Variants in SLC35F4 observed in about 807,000 individuals in gnomAD.
SLC35F4 encodes the protein chromosome 14 open reading frame 36.
SLC35F4 carries 24 observed loss-of-function variants against 44.2 expected under a neutral mutation model. The observed-to-expected ratio is 0.54, with a 90% CI of 0.39 to 0.76. The LOEUF (loss-of-function observed/expected upper bound fraction) is 0.76, where lower values mean the gene tolerates loss of function less well. Among genes scored for constraint, SLC35F4 ranks in the 30% least tolerant of loss-of-function variants. The probability of loss-of-function intolerance (pLI) is 0.00; values close to 1 mark genes in which losing one functional copy is unlikely to be tolerated. For missense variants in SLC35F4, 562 were observed against 586.1 expected (o/e 0.96, Z 0.42); for synonymous variants, 238 against 223.6 (o/e 1.06, Z -0.57).
At chr14:57,592,668 C>T (rs238375) in intron 2 of SLC35F4, among the ~76,000 whole-genome samples, 112,505 of 152,036 alleles carry the variant, frequency 0.74, 42,110 homozygotes, top group Middle Eastern at 0.81. Context: ...GGGGTTCACA[C>T]AGTGTCTAAG....
At chr14:57,954,859 C>A (rs528114063) in intron 1 of SLC35F4, among the ~76,000 whole-genome samples, 2 of 149,966 alleles carry the variant, frequency 1.3e-5, no homozygotes, top group African/African-American at 2.5e-5. Context: ...CAAAGAGGAA[C>A]TGGTACCATT....
chr14:57,618,143 G>A (rs1422883212), intron 1 of SLC35F4, among the ~76,000 whole-genome samples: 1 of 152,164 alleles, frequency 6.6e-6, no homozygotes, highest in Non-Finnish European at 1.5e-5. Flanking sequence ...TAGTATATGA[G>A]TAAAACCAAT....
intron 1 of SLC35F4, among the ~76,000 whole-genome samples, chr14:57,928,190 T>C (rs1462645745): frequency 6.6e-6 from 1 of 152,076 alleles, no homozygotes; most frequent in Non-Finnish European, 1.5e-5. Flanking sequence ...AGATGCCAAG[T>C]AGGGAGGTGG....
At position 57,865,868 on chromosome 14, in the gene SLC35F4, G is replaced by T. The variant is rs866729953; in HGVS notation, c.-43C>A. On this transcript the variant is annotated 5_prime_UTR_variant, in exon 1 of 8. Transcript: ENST00000556826. ...GGCCCCGAGTGCGGCGGGGCGGAGA[G>T]CGCAGCGCGGGGCCCGGGAGCTGGT... The T allele has an allele frequency of 1.6e-5, 23 of 1,405,128 alleles. 1 individual carries two copies. The Middle Eastern group carries it at 1.8e-3, about 108-fold the overall frequency. 87.0% of individuals were successfully genotyped at this position (1,405,128 alleles called of 1,614,324 possible).
chr14:57,923,575 T>G (rs1210636033), intron 1 of SLC35F4, among the ~76,000 whole-genome samples: 1 of 152,222 alleles, frequency 6.6e-6, no homozygotes, highest in Non-Finnish European at 1.5e-5. Flanking sequence ...AATCCAAGTA[T>G]AAATCCCTAG....
chr14:57,844,836 A>G (rs1885853604), intron 1 of SLC35F4, among the ~76,000 whole-genome samples: 1 of 152,122 alleles, frequency 6.6e-6, no homozygotes, highest in South Asian at 2.1e-4. Flanking sequence ...CTCTGTCCAT[A>G]GAAAACTGTA....
At chr14:57,616,937 C>T (rs369351049) in intron 1 of SLC35F4, among the ~76,000 whole-genome samples, 76 of 152,132 alleles carry the variant, frequency 5.0e-4, no homozygotes, top group African/African-American at 1.7e-3. Flanking sequence ...AGTCCCCCTT[C>T]CTCTCAATCA....
intron 1 of SLC35F4, among the ~76,000 whole-genome samples, chr14:57,620,390 A>G (rs1331911071): frequency 3.3e-5 from 5 of 152,206 alleles, no homozygotes. Flanking sequence ...AATATTCAAT[A>G]TTCTTAAAGA....
chr14:57,875,298 C>T (rs1303912860), intron 1 of SLC35F4, among the ~76,000 whole-genome samples: 2 of 152,176 alleles, frequency 1.3e-5, no homozygotes, highest in Non-Finnish European at 2.9e-5. Context: ...TAATTTCCTT[C>T]CTTTCTTCAT....
chr14:57,759,884 T>C (rs1038512049), intron 1 of SLC35F4, among the ~76,000 whole-genome samples: 2 of 151,838 alleles, frequency 1.3e-5, no homozygotes, highest in Non-Finnish European at 2.9e-5. Flanking sequence ...TTGCTTGTTT[T>C]TTTTTTTTGT....
At position 57,594,059 on chromosome 14, in the gene SLC35F4, T is replaced by C. The variant is rs765269778; in HGVS notation, c.169A>G (p.Ile57Val). ...GANCPSSHSG[I>V]SRQLSPLSVT... ...GACAGTGGGGACAGTTGTCTACTGATGCCACTGTGTGAACTGGGGCAGTTG... is the reference window on the plus strand; with the variant it reads ...GACAGTGGGGACAGTTGTCTACTGACGCCACTGTGTGAACTGGGGCAGTTG... The change falls in exon 2 of 8, where the codon ATC becomes GTC. Residue 57 changes from isoleucine (I) to valine (V), a missense_variant. Physicochemically the swap from Ile to Val is conservative, Grantham distance 29. Coordinates refer to ENST00000556826, the MANE Select transcript of SLC35F4 (RefSeq NM_001306087.2). 12 of 1,613,942 alleles carry C rather than the reference T, an allele frequency of 7.4e-6. No homozygotes were observed. The highest frequency in any genetic ancestry group is 1.0e-5 in the Non-Finnish European group (12 of 1,179,870).
chr14:57,955,647 TAAAC>T (rs1297289986), intron 1 of SLC35F4, among the ~76,000 whole-genome samples: 4 of 152,072 alleles, frequency 2.6e-5, no homozygotes, highest in Non-Finnish European at 4.4e-5. Flanking sequence ...ACATCAATAA[TAAAC>T]AAACAGAGAG....
chr14:57,577,146 C>T (rs1327868783), intron 4 of SLC35F4, among the ~76,000 whole-genome samples: 1 of 152,196 alleles, frequency 6.6e-6, no homozygotes, highest in African/African-American at 2.4e-5. Flanking sequence ...TACGTGTCAT[C>T]TTAATTCTTA....
chr14:57,624,137 AAATAC>A (rs566741064), intron 1 of SLC35F4, among the ~76,000 whole-genome samples: 139 of 152,350 alleles, frequency 9.1e-4, no homozygotes, highest in African/African-American at 3.2e-3. Flanking sequence ...GATTCCACAG[AAATAC>A]AAACTAACAT....
At chr14:57,809,272 C>A (rs770265481) in intron 1 of SLC35F4, among the ~76,000 whole-genome samples, 23 of 152,194 alleles carry the variant, frequency 1.5e-4, no homozygotes, top group Non-Finnish European at 3.2e-4. Flanking sequence ...CTCCCTCCCC[C>A]ATTTCATTTG....
chr14:57,582,996 G>A (rs974496921), intron 3 of SLC35F4, among the ~76,000 whole-genome samples: 2 of 148,314 alleles, frequency 1.3e-5, no homozygotes, highest in Non-Finnish European at 1.5e-5. Context: ...TTAAAGACAT[G>A]TGTTGCACAC....
rs573327972 is a variant in SLC35F4 at position 57,599,765 on chromosome 14, G to A, written c.104-5641C>T. 4.4e-3 allele frequency among the ~76,000 whole-genome samples: 643 copies of A among 145,648 alleles called. 2 individuals carry two copies. Among genetic ancestry groups the A allele is most frequent in the South Asian group, 0.012 (54 of 4,402 alleles). ...TGCAGTGAGCTAAGATCACGCCATT[G>A]CACTCCAGCCTGGGCGACAGAGCAA... On this transcript the variant is annotated intron_variant, in intron 1 of 7. Transcript: ENST00000556826.
In SLC35F4 at chr14:57,807,643, C is replaced by T. The variant is rs535158974; in HGVS notation, c.103+58080G>A. ...ACTGATTTATAAGGAAGCCATCAAT[C>T]ATCACATAAGACAGTGAGTTCCACA... is the stretch of plus-strand genomic sequence containing the variant. On this transcript the variant is annotated intron_variant, in intron 1 of 7. Transcript: ENST00000556826. Among the ~76,000 whole-genome samples the T allele has an allele frequency of 1.4e-4, 21 of 152,042 alleles. No individual in the cohort carries two copies. The South Asian group carries it at 4.1e-3, about 30-fold the overall frequency.
chr14:57,596,618 G>A (rs2070501111), intron 1 of SLC35F4: 1 of 476,736 alleles, frequency 2.1e-6, no homozygotes, highest in Non-Finnish European at 4.2e-6. Flanking sequence ...ACATCAAAAG[G>A]AGAAAGTCTA....
Sources: gnomAD v4.1 joint callset for allele counts (sites outside exome capture counted in the v4.1 genomes callset) on GRCh38, gnomAD v4.1.1 for gene constraint, MANE v1.5 for transcripts, NCBI Gene and HGNC (gene_info 2026-07-23, HGNC 2026-07-21) for gene names.